Variants in NPSR1 observed in about 807,000 individuals in gnomAD.
NPSR1 encodes the protein neuropeptide S receptor.
Under a neutral mutation model 46.9 loss-of-function variants are expected in NPSR1, and 48 were observed. The observed-to-expected ratio is 1.02, with a 90% CI of 0.81 to 1.30. The LOEUF (loss-of-function observed/expected upper bound fraction) is 1.30. Ranked by LOEUF, NPSR1 falls within the 50% of genes most tolerant of loss-of-function variation. The pLI, the probability that NPSR1 is intolerant of heterozygous loss-of-function variation, is 0.00. For synonymous variants in NPSR1, 176 were observed against 168.1 expected (o/e 1.05, Z -0.36); for missense variants, 450 against 449.5 (o/e 1.00, Z -0.01).
chr7:34,878,109 G>A lies in NPSR1; in HGVS notation c.1059G>A (p.Ala353=), dbSNP rs556757536. The change falls in exon 9 of 9, where the codon GCG becomes GCA. Residue 353 remains alanine, a synonymous_variant. Transcript: ENST00000359791. ...GTCTCCGTCAGCTCCAGGAGGCTGC[G>A]CTAATGCTCTGCCCTCAACGAGAGA... The A allele has an allele frequency of 7.8e-5, 125 of 1,610,534 alleles. No individual in the cohort carries two copies. In the East Asian group the frequency reaches 1.9e-3, roughly 24 times the overall value.
intron 2 of NPSR1, among the ~76,000 whole-genome samples, chr7:34,718,593 T>C (rs912652636): frequency 6.6e-6 from 1 of 152,206 alleles, no homozygotes; most frequent in African/African-American, 2.4e-5. Context: ...GGAAGGTCAA[T>C]ACAGCCTCTT....
At chr7:34,731,704 G>A (rs1784423728) in intron 2 of NPSR1, among the ~76,000 whole-genome samples, 1 of 152,104 alleles carries the variant, frequency 6.6e-6, no homozygotes, top group Admixed American at 6.6e-5. Context: ...AGGAGAGATT[G>A]GTTTTTCACT....
chr7:34,790,795 T>C (rs895461762), intron 3 of NPSR1, among the ~76,000 whole-genome samples: 8 of 111,838 alleles, frequency 7.2e-5, no homozygotes, highest in Non-Finnish European at 1.4e-4. Flanking sequence ...TATATATATG[T>C]TATAGGTTAT....
intron 2 of NPSR1, among the ~76,000 whole-genome samples, chr7:34,725,631 G>C (rs1165752793): frequency 2.6e-5 from 4 of 152,346 alleles, no homozygotes; most frequent in African/African-American, 9.6e-5. Flanking sequence ...ATCTAGTGGA[G>C]AGACTCTTTT....
At chr7:34,783,857 C>A (rs1179076590) in intron 3 of NPSR1, among the ~76,000 whole-genome samples, 1 of 151,904 alleles carries the variant, frequency 6.6e-6, no homozygotes, top group Non-Finnish European at 1.5e-5. Context: ...ACTAGAAGAA[C>A]ATATGTAAGG....
intron 2 of NPSR1, among the ~76,000 whole-genome samples, chr7:34,726,557 C>A (rs140369093): frequency 6.6e-6 from 1 of 152,176 alleles, no homozygotes; most frequent in Non-Finnish European, 1.5e-5. Context: ...AGAATCTGCA[C>A]ATGAATGTTT....
At chr7:34,727,877 G>T (rs1784238558) in intron 2 of NPSR1, among the ~76,000 whole-genome samples, 3 of 152,010 alleles carry the variant, frequency 2.0e-5, no homozygotes, top group Admixed American at 2.0e-4. Context: ...TTCTCCCAAA[G>T]ATCGTTATTG....
At chr7:34,788,630 T>C (rs989895633) in intron 3 of NPSR1, among the ~76,000 whole-genome samples, 5 of 152,000 alleles carry the variant, frequency 3.3e-5, no homozygotes, top group African/African-American at 9.7e-5. Flanking sequence ...TATAAATATA[T>C]ATGGACCCTA....
At chr7:34,878,052 C>A (rs28699135) in intron 8 of NPSR1, 96,156 of 1,463,878 alleles carry the variant, frequency 0.066, 3,562 homozygotes, top group Middle Eastern at 0.13. Flanking sequence ...CTATACATTT[C>A]AATAAGCCTT....
chr7:34,658,500 G>A lies in NPSR1; in HGVS notation c.88G>A (p.Val30Met), dbSNP rs1791293043. 6.2e-7 allele frequency: 1 copy of A among 1,614,184 alleles called. No homozygotes were observed. The highest frequency in any genetic ancestry group is 8.5e-7 in the Non-Finnish European group (1 of 1,180,004). The part of the protein sequence containing the change: ...DSSPVACTET[V>M]TFTEVVEGKE... ...TTCCCCAGTGGCTTGCACTGAAACA[G>A]TGACTTTTACTGAAGTGGTGGAAGG... The change falls in exon 1 of 9, where the codon GTG becomes ATG. Residue 30 changes from valine to methionine, a missense_variant. Coordinates refer to ENST00000360581, the MANE Select transcript of NPSR1 (RefSeq NM_207172.2).
At chr7:34,755,981 C>T (rs1785816843) in intron 2 of NPSR1, among the ~76,000 whole-genome samples, 1 of 152,182 alleles carries the variant, frequency 6.6e-6, no homozygotes, top group Non-Finnish European at 1.5e-5. Context: ...CAAAACCATA[C>T]AACTAGCAAG....
chr7:34,823,542 A>G (rs553751761), intron 4 of NPSR1, among the ~76,000 whole-genome samples: 1 of 152,278 alleles, frequency 6.6e-6, no homozygotes, highest in East Asian at 1.9e-4. Context: ...AGGAAGAATT[A>G]TCCAACTATT....
intron 2 of NPSR1, among the ~76,000 whole-genome samples, chr7:34,724,172 C>T (rs1318673211): frequency 6.6e-6 from 1 of 152,162 alleles, no homozygotes; most frequent in Non-Finnish European, 1.5e-5. Flanking sequence ...TTTTTATTAT[C>T]TCCTATAACT....
intron 5 of NPSR1, 48 bp downstream of exon 5, chr7:34,827,650 G>GGGT: frequency 1.6e-6 from 1 of 612,070 alleles, no homozygotes; most frequent in South Asian, 1.5e-5. Flanking sequence ...GGGCGGGGGG[G>GGGT]GCTTTCCTGT....
At chr7:34,658,690 A>G in intron 1 of NPSR1, 131 bp downstream of exon 1, 1 of 974,220 alleles carries the variant, frequency 1.0e-6, no homozygotes, top group East Asian at 2.5e-5. Context: ...AAGGATTTTT[A>G]AAAGTCTGAA....
intron 3 of NPSR1, among the ~76,000 whole-genome samples, chr7:34,806,805 C>G (rs1332999197): frequency 6.6e-6 from 1 of 152,054 alleles, no homozygotes; most frequent in Non-Finnish European, 1.5e-5. Context: ...TAAAATTGTT[C>G]TGAAAAATAA....
chr7:34,699,531 C>G (rs1424597962), intron 2 of NPSR1, among the ~76,000 whole-genome samples: 1 of 152,214 alleles, frequency 6.6e-6, no homozygotes, highest in Non-Finnish European at 1.5e-5. Flanking sequence ...TCCTCGCAGT[C>G]CTGTAGGCTG....
At position 34,658,369 on chromosome 7, in the gene NPSR1, C is replaced by T. The variant is rs1195131450; in HGVS notation, c.-44C>T. ...AGGAGGCAAGCTGGACTCCCTCACT[C>T]AGCTGCAGGAGCAAGGACAGTGAGG... is the stretch of plus-strand genomic sequence containing the variant. On this transcript the variant is annotated 5_prime_UTR_variant, in exon 1 of 9. Coordinates refer to ENST00000360581, the MANE Select transcript of NPSR1 (RefSeq NM_207172.2). The T allele has an allele frequency of 1.9e-6, 3 of 1,607,126 alleles. No homozygotes were observed. The highest frequency in any genetic ancestry group is 1.7e-5 in the Admixed American group (1 of 59,726).
chr7:34,865,235 G>A lies in NPSR1; in HGVS notation c.1026-12841G>A, dbSNP rs570430861. Among the ~76,000 whole-genome samples the A allele has an allele frequency of 1.1e-4, 17 of 151,950 alleles. No individual in the cohort carries two copies. The South Asian group carries it at 3.1e-3, about 28-fold the overall frequency. ...AAACATTTATTTTTGCTCAGCTACG[G>A]AATGTTTGGAAGTTGTTTGTTTCAC... On this transcript the variant is annotated intron_variant, in intron 8 of 8. Transcript: ENST00000359791.
Sources: allele counts gnomAD v4.1 joint callset (sites outside exome capture counted in the v4.1 genomes callset), GRCh38; gene constraint gnomAD v4.1.1; transcripts MANE v1.5; gene names NCBI Gene and HGNC (gene_info 2026-07-23, HGNC 2026-07-21).